The following PTPRD variants were observed in gnomAD, a reference collection of about 807,000 sequenced individuals.
The protein encoded by PTPRD is receptor-type tyrosine-protein phosphatase delta.
A neutral mutation model predicts 214.5 loss-of-function variants in PTPRD; 34 were observed. The ratio of observed to expected loss-of-function variants is 0.16; its 90% CI spans 0.12 to 0.21. The LOEUF (loss-of-function observed/expected upper bound fraction) is 0.21. PTPRD is among the 10% of genes least tolerant of loss of function. The pLI is 1.00. For missense variants in PTPRD, 2,545 were observed against 2,398.7 expected, an observed-to-expected ratio of 1.06 and a Z score of -1.27; for synonymous variants, 1,128 against 845.7, an observed-to-expected ratio of 1.33 and a Z score of -5.79.
At chr9:9,675,908 T>G (rs757296785) in intron 7 of PTPRD, among the ~76,000 whole-genome samples, 7 of 152,044 alleles carry the variant, frequency 4.6e-5, no homozygotes, top group Admixed American at 1.3e-4. Context: ...ATCATTGATG[T>G]AAAAATTCCA....
At chr9:10,216,684 C>G (rs2099542742) in intron 3 of PTPRD, among the ~76,000 whole-genome samples, 1 of 151,984 alleles carries the variant, frequency 6.6e-6, no homozygotes, top group East Asian at 1.9e-4. Flanking sequence ...TACCTCTGTT[C>G]ACAATAGAGC....
chr9:10,330,036 T>C (rs896799303), intron 3 of PTPRD, among the ~76,000 whole-genome samples: 5 of 151,892 alleles, frequency 3.3e-5, no homozygotes, highest in African/African-American at 1.2e-4. Flanking sequence ...TATAGAACTA[T>C]ATTCCTGTAC....
At chr9:9,641,863 G>C (rs973374305) in intron 7 of PTPRD, among the ~76,000 whole-genome samples, 1 of 152,044 alleles carries the variant, frequency 6.6e-6, no homozygotes, top group Non-Finnish European at 1.5e-5. Flanking sequence ...GACCCATTTA[G>C]ATTAAGTAAG....
chr9:9,153,325 G>C (rs1002876705), intron 10 of PTPRD, among the ~76,000 whole-genome samples: 3 of 152,252 alleles, frequency 2.0e-5, no homozygotes, highest in Middle Eastern at 3.4e-3. Context: ...AGCCAAGATG[G>C]AATCAGCTTA....
intron 11 of PTPRD, among the ~76,000 whole-genome samples, chr9:8,929,875 G>GTA (rs1555537402): frequency 0.014 from 966 of 68,966 alleles, 23 homozygotes; most frequent in East Asian, 0.096. Flanking sequence ...ACATGTGTGT[G>GTA]TATATATGTG....
intron 8 of PTPRD, chr9:9,442,166 G>T (rs1249656501): frequency 6.6e-6 from 1 of 152,186 alleles, no homozygotes; most frequent in Non-Finnish European, 1.5e-5. Flanking sequence ...TGCCGATCGG[G>T]TGTCCGCACT....
intron 7 of PTPRD, among the ~76,000 whole-genome samples, chr9:9,603,888 G>A (rs1253927757): frequency 2.0e-5 from 3 of 151,860 alleles, no homozygotes; most frequent in East Asian, 3.9e-4. Context: ...ACAGGTGCAG[G>A]TTTTTTACAG....
chr9:8,637,349 G>A (rs1029790903), intron 12 of PTPRD, among the ~76,000 whole-genome samples: 22 of 152,232 alleles, frequency 1.4e-4, no homozygotes, highest in East Asian at 9.7e-4. Context: ...AGAAGGTTTC[G>A]CAAGAAATAG....
intron 9 of PTPRD, among the ~76,000 whole-genome samples, chr9:9,207,250 A>C (rs563793372): frequency 2.6e-5 from 4 of 152,186 alleles, no homozygotes; most frequent in Admixed American, 2.0e-4. Flanking sequence ...TTTCATTTTG[A>C]ACTTTTAATT....
At chr9:9,826,320 G>T (rs1156822336) in intron 5 of PTPRD, among the ~76,000 whole-genome samples, 1 of 151,528 alleles carries the variant, frequency 6.6e-6, no homozygotes, top group Non-Finnish European at 1.5e-5. Context: ...AGCTCCATCA[G>T]CTCCTTTCTG....
At chr9:9,099,112 T>C (rs1320497559) in intron 10 of PTPRD, among the ~76,000 whole-genome samples, 1 of 152,232 alleles carries the variant, frequency 6.6e-6, no homozygotes, top group Non-Finnish European at 1.5e-5. Context: ...ATTGTGCATA[T>C]GTTTACAAAT....
intron 44 of PTPRD, among the ~76,000 whole-genome samples, chr9:8,329,157 C>T (rs901946927): frequency 2.0e-5 from 3 of 152,064 alleles, no homozygotes; most frequent in African/African-American, 7.2e-5. Flanking sequence ...TTCTCCCCAT[C>T]TTCGTGGATT....
intron 21 of PTPRD, among the ~76,000 whole-genome samples, chr9:8,513,019 G>C (rs905953778): frequency 6.6e-6 from 1 of 151,812 alleles, no homozygotes; most frequent in African/African-American, 2.4e-5. Context: ...TTCTAATAAT[G>C]AAAATATTTT....
chr9:8,978,979 T>C (rs77096232), intron 11 of PTPRD, among the ~76,000 whole-genome samples: 10,780 of 152,182 alleles, frequency 0.071, 724 homozygotes, highest in East Asian at 0.27. Context: ...CTTTATTCTT[T>C]TTTTAATGTT....
chr9:9,989,392 C>A (rs59533350), intron 4 of PTPRD, among the ~76,000 whole-genome samples: 1 of 152,042 alleles, frequency 6.6e-6, no homozygotes, highest in Non-Finnish European at 1.5e-5. Flanking sequence ...AGGAGCAGAG[C>A]GGCAGAGAAG....
chr9:9,976,409 C>G (rs187854977), intron 4 of PTPRD, among the ~76,000 whole-genome samples: 1 of 151,666 alleles, frequency 6.6e-6, no homozygotes, highest in East Asian at 1.9e-4. Flanking sequence ...TTTTTTGAGA[C>G]AGAGTCTTGC....
At chr9:8,640,178 C>A (rs748133948) in intron 12 of PTPRD, among the ~76,000 whole-genome samples, 3 of 152,132 alleles carry the variant, frequency 2.0e-5, no homozygotes, top group Non-Finnish European at 4.4e-5. Flanking sequence ...ATCCTCCCGC[C>A]TCAGCCTTAC....
chr9:10,014,817 G>A (rs188328204), intron 4 of PTPRD, among the ~76,000 whole-genome samples: 2 of 152,128 alleles, frequency 1.3e-5, no homozygotes, highest in Non-Finnish European at 2.9e-5. Flanking sequence ...GTGACTAAGT[G>A]CGTGGTTATT....
intron 5 of PTPRD, among the ~76,000 whole-genome samples, chr9:9,797,252 T>TTG (rs1364745390): frequency 1.6e-4 from 24 of 150,452 alleles, no homozygotes; most frequent in African/African-American, 5.8e-4. Flanking sequence ...AGTTTTTTTT[T>TTG]TTTTTTTTTT....
Sources: allele counts gnomAD v4.1 joint callset (sites outside exome capture counted in the v4.1 genomes callset), GRCh38; gene constraint gnomAD v4.1.1; transcripts MANE v1.5; gene names NCBI Gene and HGNC (gene_info 2026-07-23, HGNC 2026-07-21).